The following PRKG1 variants were observed in gnomAD, a reference collection of about 807,000 sequenced individuals.
PRKG1 encodes the protein cGMP-dependent protein kinase 1.
A neutral mutation model predicts 88.1 loss-of-function variants in PRKG1; 35 were observed. That is an observed-to-expected ratio of 0.40 (90% CI 0.30 to 0.53). The LOEUF (loss-of-function observed/expected upper bound fraction) is 0.53. Among genes scored for constraint, PRKG1 ranks in the 20% least tolerant of loss-of-function variants. The pLI, the probability that PRKG1 is intolerant of heterozygous loss-of-function variation, is 0.59. For missense variants in PRKG1, 540 were observed against 839.8 expected (o/e 0.64, Z 4.41); for synonymous variants, 303 against 292.5 (o/e 1.04, Z -0.37).
At chr10:51,826,123 T>C (rs144488303) in intron 4 of PRKG1, among the ~76,000 whole-genome samples, 1 of 152,118 alleles carries the variant, frequency 6.6e-6, no homozygotes, top group African/African-American at 2.4e-5. Flanking sequence ...TACTAGATTA[T>C]TAGCTGGAGA....
intron 5 of PRKG1, among the ~76,000 whole-genome samples, chr10:51,943,024 A>G (rs1018209012): frequency 2.6e-5 from 4 of 151,982 alleles, no homozygotes; most frequent in Admixed American, 1.3e-4. Flanking sequence ...ATGGCATTGA[A>G]TCTATAAATT....
chr10:51,693,336 TTTAATAGTATTTA>T (rs1564609174), intron 3 of PRKG1, among the ~76,000 whole-genome samples: 1 of 151,894 alleles, frequency 6.6e-6, no homozygotes, highest in Non-Finnish European at 1.5e-5. Flanking sequence ...TTGGGTGCTT[TTTAATAGTATTTA>T]ATAAGCACCA....
rs868461867 is a variant in PRKG1, at chr10:51,017,793, A to T, written c.266+26149A>T. ...ATTGCTTATTTTAATATTAATTTTT[A>T]TTTATTTATTTATTTAATTTTTTTG... On this transcript the variant is annotated intron_variant, in intron 1 of 17. Transcript: ENST00000401604. Among the ~76,000 whole-genome samples the T allele has an allele frequency of 4.2e-4, 64 of 151,624 alleles. No homozygotes were observed. The Middle Eastern group carries it at 0.017, about 40-fold the overall frequency.
At chr10:51,257,093 A>G (rs1451467065) in intron 2 of PRKG1, among the ~76,000 whole-genome samples, 2 of 152,154 alleles carry the variant, frequency 1.3e-5, no homozygotes, top group African/African-American at 4.8e-5. Context: ...GATAGCTTAA[A>G]GCAAAATTCC....
Position 52,128,340 on chromosome 10 carries a change from C to T in PRKG1, c.936-5500C>T, listed in dbSNP as rs536721593. ...TTGTATCAACTATGTTCTGCTTTGG[C>T]CTCATACATTCTGTGTTTGTTCCCC... On this transcript the variant is annotated intron_variant, in intron 7 of 17. Coordinates refer to ENST00000373980, the MANE Select transcript of PRKG1 (RefSeq NM_006258.4). 205 of 985,368 alleles carry T rather than the reference C, an allele frequency of 2.1e-4. No individual in the cohort carries two copies. The African/African-American group carries it at 3.4e-3, about 16-fold the overall frequency. The allele number at this position is 985,368 out of a possible 1,614,324, so 61.0% of individuals were successfully genotyped here.
At chr10:51,508,967 G>C (rs1022642759) in intron 3 of PRKG1, among the ~76,000 whole-genome samples, 1 of 152,046 alleles carries the variant, frequency 6.6e-6, no homozygotes, top group Non-Finnish European at 1.5e-5. Flanking sequence ...GTAATCTAAA[G>C]GGCATTTCAG....
At chr10:51,055,146 A>C (rs1013403337) in intron 1 of PRKG1, among the ~76,000 whole-genome samples, 8 of 152,154 alleles carry the variant, frequency 5.3e-5, no homozygotes, top group Non-Finnish European at 8.8e-5. Flanking sequence ...ATTTAGAAGG[A>C]TCTCAGAAGT....
chr10:51,181,044 A>C (rs1837327693), intron 2 of PRKG1, among the ~76,000 whole-genome samples: 1 of 152,052 alleles, frequency 6.6e-6, no homozygotes, highest in African/African-American at 2.4e-5. Context: ...CAATGATAGC[A>C]TGTATTACTG....
chr10:51,261,834 A>G (rs1474577471), intron 2 of PRKG1, among the ~76,000 whole-genome samples: 1 of 150,338 alleles, frequency 6.7e-6, no homozygotes, highest in Non-Finnish European at 1.5e-5. Flanking sequence ...GCTTCAGCAG[A>G]GTGTCGGTAG....
At chr10:51,492,366 C>G (rs564641138) in intron 3 of PRKG1, among the ~76,000 whole-genome samples, 1 of 152,016 alleles carries the variant, frequency 6.6e-6, no homozygotes, top group Non-Finnish European at 1.5e-5. Context: ...ACCAAATAAT[C>G]CAACTTTTAA....
At chr10:52,187,408 A>T (rs1478140684) in intron 9 of PRKG1, among the ~76,000 whole-genome samples, 1 of 145,454 alleles carries the variant, frequency 6.9e-6, no homozygotes, top group African/African-American at 2.8e-5. Context: ...GATTTTAGGT[A>T]AAAAAAAAAT....
intron 9 of PRKG1, among the ~76,000 whole-genome samples, chr10:52,227,379 T>A (rs183354165): frequency 1.3e-5 from 2 of 152,252 alleles, no homozygotes; most frequent in Admixed American, 6.5e-5. Flanking sequence ...ATAAAAAATA[T>A]TAGAAAAAGT....
At chr10:52,123,759 G>T (rs560164677) in intron 7 of PRKG1, among the ~76,000 whole-genome samples, 30 of 152,048 alleles carry the variant, frequency 2.0e-4, no homozygotes, top group African/African-American at 7.0e-4. Flanking sequence ...GCTACAAATT[G>T]TTTCCTCTAC....
At chr10:51,124,096 C>T (rs937624990) in intron 1 of PRKG1, among the ~76,000 whole-genome samples, 1 of 152,128 alleles carries the variant, frequency 6.6e-6, no homozygotes, top group East Asian at 1.9e-4. Context: ...GATCCAAACA[C>T]TATCATGCTC....
At chr10:52,022,641 A>G (rs1845215141) in intron 5 of PRKG1, among the ~76,000 whole-genome samples, 1 of 152,226 alleles carries the variant, frequency 6.6e-6, no homozygotes, top group Non-Finnish European at 1.5e-5. Context: ...TCTAAGTTGT[A>G]CAATAGTGTA....
intron 1 of PRKG1, among the ~76,000 whole-genome samples, chr10:51,132,569 ACT>A (rs1845593151): frequency 6.6e-6 from 1 of 151,306 alleles, no homozygotes; most frequent in South Asian, 2.1e-4. Context: ...AGCTAGAGTA[ACT>A]CTGTGAGAGA....
At chr10:51,797,778 C>G (rs1461460663) in intron 3 of PRKG1, among the ~76,000 whole-genome samples, 2 of 151,604 alleles carry the variant, frequency 1.3e-5, no homozygotes, top group Non-Finnish European at 2.9e-5. Context: ...AAACACTGAA[C>G]TTATTAAAGG....
At chr10:51,907,458 A>G in intron 4 of PRKG1, 49 bp from the exon 5 acceptor site, 1 of 1,406,840 alleles carries the variant, frequency 7.1e-7, no homozygotes, top group Non-Finnish European at 9.8e-7. Flanking sequence ...TTACTTATGA[A>G]AGTAAGTTGT....
intron 2 of PRKG1, among the ~76,000 whole-genome samples, chr10:51,425,063 C>A (rs1838537262): frequency 6.6e-6 from 1 of 152,008 alleles, no homozygotes; most frequent in Non-Finnish European, 1.5e-5. Flanking sequence ...TTTGTCCTGG[C>A]CCCTGCTACG....
Sources: gnomAD v4.1 joint callset for allele counts (sites outside exome capture counted in the v4.1 genomes callset) on GRCh38, gnomAD v4.1.1 for gene constraint, MANE v1.5 for transcripts, NCBI Gene and HGNC (gene_info 2026-07-23, HGNC 2026-07-21) for gene names.